LY75: variants seen among roughly 807,000 people sequenced by gnomAD.
LY75 encodes lymphocyte antigen 75.
In LY75, 185 loss-of-function variants were observed where a neutral mutation model predicts 231.7. The observed-to-expected ratio is 0.80, with a 90% CI of 0.71 to 0.90. The LOEUF (loss-of-function observed/expected upper bound fraction) is 0.90. LY75 is among the 40% of genes least tolerant of loss of function. LY75 has a pLI of 0.00. For synonymous variants in LY75, 668 were observed against 689.0 expected, an observed-to-expected ratio of 0.97 and a Z score of 0.48; for missense variants, 1,947 against 2,050.2, an observed-to-expected ratio of 0.95 and a Z score of 0.97.
chr2:159,857,831 T>C lies in LY75; in HGVS notation c.2383+531A>G, dbSNP rs547477571. Among the ~76,000 whole-genome samples, 152 of 152,318 alleles carry C rather than the reference T, an allele frequency of 1.0e-3. 2 individuals carry two copies. Among genetic ancestry groups the C allele is most frequent in the Admixed American group, 8.7e-3 (133 of 15,302 alleles). On this transcript the variant is annotated intron_variant, in intron 16 of 34. Coordinates refer to ENST00000263636, the MANE Select transcript of LY75 (RefSeq NM_002349.4). ...GGAAAAAGTAAAGTAAAATGGTATC[T>C]ACATTTCTCCCCACTCTCCCTTCTG...
At chr2:159,862,153 G>T (rs148621398) in intron 14 of LY75, among the ~76,000 whole-genome samples, 1 of 152,090 alleles carries the variant, frequency 6.6e-6, no homozygotes, top group African/African-American at 2.4e-5. Context: ...TTAGTTGGGC[G>T]TGGTGGCACA....
At chr2:159,833,500 T>G (rs182161710) in intron 27 of LY75, among the ~76,000 whole-genome samples, 3 of 152,336 alleles carry the variant, frequency 2.0e-5, no homozygotes, top group Admixed American at 1.3e-4. Flanking sequence ...AAAGGAGTTA[T>G]GCCTATACTT....
intron 1 of LY75, among the ~76,000 whole-genome samples, chr2:159,900,646 C>T (rs1008357364): frequency 2.0e-5 from 3 of 152,182 alleles, no homozygotes; most frequent in Non-Finnish European, 2.9e-5. Context: ...TAAATAATAA[C>T]TATAAAATTA....
At chr2:159,824,833 C>T (rs1425244560) in intron 28 of LY75, among the ~76,000 whole-genome samples, 1 of 134,006 alleles carries the variant, frequency 7.5e-6, no homozygotes, top group Non-Finnish European at 1.6e-5. Flanking sequence ...TACATGGAAA[C>T]TGAACAACCT....
At chr2:159,854,791 T>C in intron 17 of LY75, 113 bp downstream of exon 17, 1 of 1,466,488 alleles carries the variant, frequency 6.8e-7, no homozygotes, top group Non-Finnish European at 9.2e-7. Flanking sequence ...CCTGGAGAAA[T>C]TTTGTCTCAC....
chr2:159,840,796 T>C lies in LY75; in HGVS notation c.3440A>G (p.Gln1147Arg), dbSNP rs2125847075. ...GAGCGCCTGCACACTGAGGAATGCC[T>C]GCTGGTAAGGGTCCGTGATGCTCAC... ...QLVSITDPYQ[Q>R]AFLSVQALLH... Residue 1147 changes from glutamine (Q) to arginine (R), a missense_variant, in exon 25 of 35, where the codon CAG (glutamine) becomes CGG (arginine). By Grantham distance (43) the Gln-to-Arg change is conservative. Transcript: ENST00000263636. The C allele has an allele frequency of 6.2e-7, 1 of 1,614,114 alleles. No individual in the cohort carries two copies. Among genetic ancestry groups the C allele is most frequent in the East Asian group, 2.2e-5 (1 of 44,888 alleles).
At chr2:159,891,480 G>C (rs754863064) in intron 3 of LY75, among the ~76,000 whole-genome samples, 1 of 152,202 alleles carries the variant, frequency 6.6e-6, no homozygotes, top group African/African-American at 2.4e-5. Flanking sequence ...TGTAAATCCA[G>C]AAGCTTCCAG....
chr2:159,815,647 T>C (rs1683101882), intron 30 of LY75, 74 bp from the exon 31 acceptor site: 4 of 1,502,536 alleles, frequency 2.7e-6, no homozygotes, highest in Non-Finnish European at 3.6e-6. Flanking sequence ...ACAACATACA[T>C]ACTTTAAGAA....
intron 25 of LY75, among the ~76,000 whole-genome samples, chr2:159,836,234 A>T (rs1683821866): frequency 6.6e-6 from 1 of 152,162 alleles, no homozygotes; most frequent in Non-Finnish European, 1.5e-5. Context: ...GTGGGGCTGG[A>T]ATTAATGGGA....
At chr2:159,853,174 C>G (rs1469439950) in intron 20 of LY75, 99 bp downstream of exon 20, 2 of 1,259,432 alleles carry the variant, frequency 1.6e-6, no homozygotes, top group Non-Finnish European at 2.2e-6. Context: ...ATGAAATTAC[C>G]AAACATATAA....
Position 159,853,758 on chromosome 2 carries a change from C to A in LY75, c.2596-61G>T. 4 of 1,604,222 alleles carry A rather than the reference C, an allele frequency of 2.5e-6. 1 individual carries two copies. In the South Asian group the frequency reaches 4.4e-5, roughly 18 times the overall value. ...CTGAGCTTTCTTGAGGGTTTTGATTCGAATACATTGTCTTACTATAATCAC... is the reference window on the plus strand; with the variant it reads ...CTGAGCTTTCTTGAGGGTTTTGATTAGAATACATTGTCTTACTATAATCAC... On this transcript the variant is annotated intron_variant, in intron 18 of 34. Coordinates refer to ENST00000263636, the MANE Select transcript of LY75 (RefSeq NM_002349.4).
chr2:159,889,540 A>C (rs1685691663), intron 4 of LY75, among the ~76,000 whole-genome samples: 1 of 152,116 alleles, frequency 6.6e-6, no homozygotes, highest in South Asian at 2.1e-4. Context: ...TTCCTCTTTA[A>C]TGAATCTATG....
chr2:159,887,100 C>T (rs1359811191), intron 4 of LY75, among the ~76,000 whole-genome samples: 2 of 147,838 alleles, frequency 1.4e-5, no homozygotes, highest in Non-Finnish European at 3.0e-5. Flanking sequence ...GTTTCATAGA[C>T]AATGGAATAT....
intron 23 of LY75, among the ~76,000 whole-genome samples, chr2:159,842,854 T>A (rs1298897131): frequency 6.6e-6 from 1 of 152,028 alleles, no homozygotes; most frequent in Non-Finnish European, 1.5e-5. Context: ...ATATTAGATA[T>A]GAAAATTTAT....
At chr2:159,890,163 A>G (rs367906089) in intron 4 of LY75, 50 bp downstream of exon 4, 6 of 1,578,020 alleles carry the variant, frequency 3.8e-6, no homozygotes, top group East Asian at 2.3e-5. Context: ...AAGAAGAAGT[A>G]CCTTTACAAT....
intron 16 of LY75, 106 bp from the exon 17 acceptor site, chr2:159,855,045 T>G (rs975490): frequency 0.95 from 1,361,186 of 1,436,914 alleles, 648,862 homozygotes; most frequent in East Asian, 1. Flanking sequence ...TATTGTTGAG[T>G]CTTGTCCATT....
chr2:159,881,357 T>C (rs1026716074), intron 7 of LY75, 117 bp from the exon 8 acceptor site: 1 of 1,215,428 alleles, frequency 8.2e-7, no homozygotes, highest in African/African-American at 1.5e-5. Flanking sequence ...GTAGTATTCT[T>C]AATTCGGTTA....
At chr2:159,893,010 G>C (rs113289483) in intron 3 of LY75, among the ~76,000 whole-genome samples, 1 of 151,948 alleles carries the variant, frequency 6.6e-6, no homozygotes, top group Non-Finnish European at 1.5e-5. Flanking sequence ...ACTACCCTTT[G>C]CTTTTTTAAA....
intron 23 of LY75, among the ~76,000 whole-genome samples, chr2:159,845,072 T>C (rs180984392): frequency 1.3e-5 from 2 of 152,264 alleles, no homozygotes; most frequent in East Asian, 3.9e-4. Flanking sequence ...CCATTCTTTT[T>C]ATAGCTAAAG....
Sources: allele counts gnomAD v4.1 joint callset (sites outside exome capture counted in the v4.1 genomes callset), GRCh38; gene constraint gnomAD v4.1.1; transcripts MANE v1.5; gene names NCBI Gene and HGNC (gene_info 2026-07-23, HGNC 2026-07-21).